Variants in KATNAL2 observed in about 807,000 individuals in gnomAD.
KATNAL2 encodes katanin catalytic subunit A1 like 2.
Under a neutral mutation model 76.3 loss-of-function variants are expected in KATNAL2, and 52 were observed. The ratio of observed to expected loss-of-function variants is 0.68; its 90% CI spans 0.55 to 0.86. The LOEUF is 0.86. KATNAL2 is among the 40% of genes least tolerant of loss of function. KATNAL2 has a pLI of 0.00. For missense variants in KATNAL2, 660 were observed against 668.9 expected (o/e 0.99, Z 0.15); for synonymous variants, 243 against 244.2 (o/e 1.00, Z 0.05).
At chr18:47,081,054 CTCT>C (rs201946671) in intron 15 of KATNAL2, among the ~76,000 whole-genome samples, 1,930 of 150,410 alleles carry the variant, frequency 0.013, 14 homozygotes, top group Middle Eastern at 0.02. Flanking sequence ...CCTTCCTTCC[CTCT>C]TCTTTCTTTC....
chr18:46,918,873 T>G (rs1280227756), intron 1 of KATNAL2, among the ~76,000 whole-genome samples: 6 of 152,130 alleles, frequency 3.9e-5, no homozygotes, highest in Non-Finnish European at 2.9e-5. Context: ...ATCCCACATT[T>G]TAATTCAAAT....
intron 4 of KATNAL2, among the ~76,000 whole-genome samples, chr18:47,052,410 G>A (rs1391925426): frequency 1.3e-5 from 2 of 152,278 alleles, no homozygotes; most frequent in African/African-American, 4.8e-5. Flanking sequence ...TTCAGTGCTC[G>A]AGACTTGTTA....
chr18:47,064,677 A>G (rs963609370), intron 10 of KATNAL2, among the ~76,000 whole-genome samples: 5 of 152,118 alleles, frequency 3.3e-5, no homozygotes, highest in Admixed American at 3.3e-4. Flanking sequence ...TCTCATTACC[A>G]TTTTTGCAAA....
intron 1 of KATNAL2, among the ~76,000 whole-genome samples, chr18:46,938,545 A>G (rs148186247): frequency 2.6e-5 from 4 of 152,342 alleles, no homozygotes; most frequent in African/African-American, 9.6e-5. Context: ...AACACAAAAT[A>G]TATCCTAACT....
At chr18:47,031,506 G>A (rs2571024) in intron 3 of KATNAL2, among the ~76,000 whole-genome samples, 1 of 151,418 alleles carries the variant, frequency 6.6e-6, no homozygotes, top group African/African-American at 2.4e-5. Flanking sequence ...GGGGAATGGG[G>A]ATTCGGGTGT....
At chr18:46,931,149 A>C (rs2059401571) in intron 1 of KATNAL2, among the ~76,000 whole-genome samples, 1 of 146,312 alleles carries the variant, frequency 6.8e-6, no homozygotes, top group South Asian at 2.1e-4. Flanking sequence ...TAAATAAATA[A>C]ATTAGCCAGG....
intron 6 of KATNAL2, among the ~76,000 whole-genome samples, chr18:47,057,082 A>G (rs2061493325): frequency 6.6e-6 from 1 of 152,122 alleles, no homozygotes; most frequent in African/African-American, 2.4e-5. Context: ...CACCATGTGG[A>G]CATTGGTGGT....
intron 3 of KATNAL2, among the ~76,000 whole-genome samples, chr18:47,031,588 C>T (rs1338464104): frequency 1.3e-5 from 2 of 152,130 alleles, no homozygotes; most frequent in African/African-American, 2.4e-5. Context: ...TTCCAGACTT[C>T]CAGCTACTTC....
intron 1 of KATNAL2, among the ~76,000 whole-genome samples, chr18:46,922,153 T>A (rs1285962960): frequency 6.7e-6 from 1 of 149,734 alleles, no homozygotes; most frequent in Non-Finnish European, 1.5e-5. Context: ...CAGGCTAGAG[T>A]GCAGTGGCAT....
At chr18:47,054,352 C>A in intron 5 of KATNAL2, 44 bp from the exon 6 acceptor site, 1 of 1,557,424 alleles carries the variant, frequency 6.4e-7, no homozygotes, top group South Asian at 1.1e-5. Flanking sequence ...CTTTGTCACT[C>A]TTAAAATTAT....
intron 3 of KATNAL2, among the ~76,000 whole-genome samples, chr18:46,959,850 C>T (rs144794239): frequency 0.011 from 1,687 of 152,334 alleles, 18 homozygotes; most frequent in Non-Finnish European, 0.017. Context: ...GCTGAGGTTA[C>T]AGGTGTGAGC....
intron 15 of KATNAL2, among the ~76,000 whole-genome samples, chr18:47,089,979 G>T (rs1284374207): frequency 6.6e-6 from 1 of 152,154 alleles, no homozygotes; most frequent in Non-Finnish European, 1.5e-5. Flanking sequence ...GTAGAGCTGG[G>T]GTTTCACCAT....
intron 3 of KATNAL2, among the ~76,000 whole-genome samples, chr18:47,044,754 T>G (rs2061092736): frequency 8.4e-6 from 1 of 118,686 alleles, no homozygotes; most frequent in African/African-American, 3.3e-5. Flanking sequence ...AGAGCAAGAT[T>G]CCTTCTCAAA....
In KATNAL2 at chr18:47,100,332, G is replaced by A; in HGVS notation, c.1453G>A (p.Asp485Asn). 6.2e-7 allele frequency: 1 copy of A among 1,614,036 alleles called. No homozygotes were observed. Among genetic ancestry groups the A allele is most frequent in the East Asian group, 2.2e-5 (1 of 44,880 alleles). The change falls in exon 17 of 18, where the codon GAT becomes AAT. Residue 485 changes from aspartate to asparagine, a missense_variant. Coordinates refer to ENST00000683218, the MANE Select transcript of KATNAL2 (RefSeq NM_001387690.1). ...AAMRPVRKIF[D>N]ALENHQSESS... is the part of the protein sequence containing the mutation. ...CATGCGGCCCGTGAGGAAGATCTTT[G>A]ATGCACTTGAAAATCACCAGTCAGG...
At chr18:46,954,377 C>T (rs4890701) in intron 3 of KATNAL2, among the ~76,000 whole-genome samples, 1,467 of 138,204 alleles carry the variant, frequency 0.011, 16 homozygotes, top group East Asian at 0.041. Flanking sequence ...TGTCACCAGG[C>T]GGGAGTATAG....
At chr18:46,941,768 T>C (rs2059253026) in intron 1 of KATNAL2, among the ~76,000 whole-genome samples, 1 of 152,208 alleles carries the variant, frequency 6.6e-6, no homozygotes, top group South Asian at 2.1e-4. Context: ...ATTCTTGTTT[T>C]CCAACTGTTA....
chr18:46,920,346 G>T lies in KATNAL2; in HGVS notation c.-510+2420G>T, dbSNP rs368694933. 4.6e-5 allele frequency among the ~76,000 whole-genome samples: 7 copies of T among 152,312 alleles called. No individual in the cohort carries two copies. The South Asian group carries it at 1.2e-3, about 27-fold the overall frequency. Reference sequence around the variant, plus strand: ...GAGGGAAGCCTAGGACATTTATTCAGTGATTAGAGATAAGACTTTCTGGCA... The same window carrying T: ...GAGGGAAGCCTAGGACATTTATTCATTGATTAGAGATAAGACTTTCTGGCA... On this transcript the variant is annotated intron_variant, in intron 1 of 17. Transcript: ENST00000683218.
At chr18:46,920,110 A>G (rs567170832) in intron 1 of KATNAL2, 240 of 1,289,032 alleles carry the variant, frequency 1.9e-4, no homozygotes, top group Non-Finnish European at 2.3e-4. Context: ...CCCTTCCTCA[A>G]TGTGTAGCAG....
At chr18:47,062,282 G>C (rs1395276145) in intron 8 of KATNAL2, among the ~76,000 whole-genome samples, 1 of 151,978 alleles carries the variant, frequency 6.6e-6, no homozygotes, top group Non-Finnish European at 1.5e-5. Context: ...TCTTTGGGAG[G>C]CTGAAGTGGG....
Sources: gnomAD v4.1 joint callset for allele counts (sites outside exome capture counted in the v4.1 genomes callset) on GRCh38, gnomAD v4.1.1 for gene constraint, MANE v1.5 for transcripts, NCBI Gene and HGNC (gene_info 2026-07-23, HGNC 2026-07-21) for gene names.